The following POLK variants were observed in gnomAD, a reference collection of about 807,000 sequenced individuals.
POLK encodes the protein polymerase (DNA directed) kappa.
A neutral mutation model predicts 94.0 loss-of-function variants in POLK; 76 were observed. That is an observed-to-expected ratio of 0.81 (90% confidence interval 0.67 to 0.98). POLK has a LOEUF of 0.98. Ranked by LOEUF, POLK falls within the 50% of genes least tolerant of loss-of-function variation. The pLI is 0.00. For missense variants in POLK, 954 were observed against 1,010.1 expected (o/e 0.94, Z 0.75); for synonymous variants, 349 against 325.4 (o/e 1.07, Z -0.78).
Position 75,525,839 on chromosome 5 carries a change from T to C in POLK, c.-14+13925T>C, listed in dbSNP as rs183738839. Among the ~76,000 whole-genome samples the C allele has an allele frequency of 2.4e-4, 37 of 152,296 alleles. 1 individual carries two copies. The highest frequency in any genetic ancestry group is 1.7e-3 in the Admixed American group (26 of 15,308). Reference sequence around the variant, plus strand: ...AATAAAACTGGCATCTTAGGTGTAGTTGTGTATTTGGCATACTGATTAAGA... The same window carrying C: ...AATAAAACTGGCATCTTAGGTGTAGCTGTGTATTTGGCATACTGATTAAGA... On this transcript the variant is annotated intron_variant, in intron 1 of 14. Coordinates refer to ENST00000241436, the Ensembl canonical transcript of POLK.
At chr5:75,553,047 A>G (rs1770413006) in intron 3 of POLK, among the ~76,000 whole-genome samples, 1 of 152,204 alleles carries the variant, frequency 6.6e-6, no homozygotes, top group Non-Finnish European at 1.5e-5. Context: ...ATCATGTTAT[A>G]GTAAAATAAA....
chr5:75,587,148 A>G, intron 10 of POLK, 90 bp downstream of exon 10: 1 of 795,282 alleles, frequency 1.3e-6, no homozygotes, highest in Non-Finnish European at 2.0e-6. Context: ...TCACTGAAAT[A>G]AGAAATCTAT....
chr5:75,605,495 T>TC (rs1447918685), downstream of POLK, among the ~76,000 whole-genome samples: 1 of 152,192 alleles, frequency 6.6e-6, no homozygotes, highest in African/African-American at 2.4e-5. Context: ...AAAAGTTTTT[T>TC]CCCTCTCAGA....
intron 13 of POLK, 90 bp downstream of exon 13, chr5:75,597,268 C>A: frequency 1.4e-6 from 1 of 734,378 alleles, no homozygotes; most frequent in Non-Finnish European, 2.3e-6. Context: ...GAAACATATA[C>A]TATTAAATGG....
At chr5:75,521,558 A>G (rs1192764205) in intron 1 of POLK, among the ~76,000 whole-genome samples, 3 of 152,152 alleles carry the variant, frequency 2.0e-5, no homozygotes, top group African/African-American at 7.2e-5. Flanking sequence ...TCATGGTCCA[A>G]GAGCTCACAT....
intron 2 of POLK, among the ~76,000 whole-genome samples, 191 bp from the exon 3 acceptor site, chr5:75,552,281 T>C (rs1235684419): frequency 6.6e-6 from 1 of 152,206 alleles, no homozygotes; most frequent in African/African-American, 2.4e-5. Context: ...AATAAATTCA[T>C]CTTACAAATA....
intron 10 of POLK, among the ~76,000 whole-genome samples, chr5:75,587,263 G>C (rs924121909): frequency 1.3e-5 from 2 of 152,182 alleles, no homozygotes; most frequent in Admixed American, 1.3e-4. Flanking sequence ...ATTAACTTCA[G>C]CTATTTTTTA....
chr5:75,512,973 C>A (rs571830499), intron 1 of POLK: 1 of 152,334 alleles, frequency 6.6e-6, no homozygotes, highest in South Asian at 2.1e-4. Flanking sequence ...ACTAAAAATA[C>A]AAAGATTAGC....
intron 9 of POLK, among the ~76,000 whole-genome samples, chr5:75,585,296 C>T (rs555279223): frequency 1.1e-4 from 17 of 152,260 alleles, no homozygotes; most frequent in Admixed American, 3.9e-4. Flanking sequence ...AATGATTCTT[C>T]GAAAGCCTTA....
In POLK at chr5:75,554,916, A is replaced by G. The variant is rs5744624; in HGVS notation, c.255+2325A>G. 7.3e-3 allele frequency among the ~76,000 whole-genome samples: 1,106 copies of G among 152,290 alleles called. 12 individuals are homozygous for G. The highest frequency in any genetic ancestry group is 0.025 in the African/African-American group (1,023 of 41,546). On this transcript the variant is annotated intron_variant, in intron 3 of 14. Transcript: ENST00000241436. ...TATCCAGTCTATCATTGGTGAGCAT[A>G]TAGATTGATTCCATGTCTTTGCTGT...
chr5:75,602,053 C>T (rs894094762), downstream of POLK, among the ~76,000 whole-genome samples: 7 of 152,186 alleles, frequency 4.6e-5, no homozygotes, highest in Non-Finnish European at 8.8e-5. Context: ...AGTTCAGTCA[C>T]AAGCTTCCTG....
chr5:75,565,454 C>A (rs923590171), intron 3 of POLK, among the ~76,000 whole-genome samples: 4 of 152,148 alleles, frequency 2.6e-5, no homozygotes, highest in Admixed American at 2.6e-4. Context: ...TTTGGAGGAA[C>A]AGAGGTGTTC....
In POLK at chr5:75,597,809, T is replaced by C. The variant is rs780344813; in HGVS notation, c.2528+20T>C. The C allele has an allele frequency of 5.5e-6, 8 of 1,452,240 alleles. No individual in the cohort carries two copies. Among genetic ancestry groups the C allele is most frequent in the Middle Eastern group, 4.6e-4 (2 of 4,304 alleles). 90.0% of individuals were successfully genotyped at this position (1,452,240 alleles called of 1,614,324 possible). ...AAAAAGGTATGGCTAATTTGAGCTT[T>C]AATAAAGCTGGCTACAATATGAAAA... On this transcript the variant is annotated intron_variant, in intron 14 of 14. Transcript: ENST00000241436.
chr5:75,596,445 A>G (rs1348080227), exon 13 of POLK: 5 of 1,613,756 alleles, frequency 3.1e-6, no homozygotes, highest in African/African-American at 1.3e-5. Context: ...ATACATTTAA[A>G]TGTGAAGCCG....
At chr5:75,546,946 C>A in intron 1 of POLK, 64 bp from the exon 2 acceptor site, 1 of 793,392 alleles carries the variant, frequency 1.3e-6, no homozygotes, top group Non-Finnish European at 1.9e-6. Flanking sequence ...GGATTACGGG[C>A]ATGAGCCACC....
At chr5:75,552,288 A>T (rs1442794604) in intron 2 of POLK, among the ~76,000 whole-genome samples, 184 bp from the exon 3 acceptor site, 1 of 152,216 alleles carries the variant, frequency 6.6e-6, no homozygotes, top group Non-Finnish European at 1.5e-5. Context: ...TCATCTTACA[A>T]ATAAAGAAAC....
chr5:75,559,512 TGTTTTGTTTTG>T lies in POLK; in HGVS notation c.255+6922_255+6932del, dbSNP rs1561371274. ...TTTATTGATTTGGGGTTTGTTTTTT[TGTTTTGTTTTG>T]TTTTTTTTTTTTTTTTTTTTTTTTT... On this transcript the variant is annotated intron_variant, in intron 3 of 14. Transcript: ENST00000241436. 2.1e-3 allele frequency among the ~76,000 whole-genome samples: 296 copies of T among 141,412 alleles called. 1 individual carries two copies. Among genetic ancestry groups the T allele is most frequent in the South Asian group, 3.5e-3 (15 of 4,256 alleles). The allele number at this position is 141,412 out of a possible 152,430, so 92.8% of individuals were successfully genotyped here.
chr5:75,609,200 A>G, the POLK span: 2 of 152,262 alleles, frequency 1.3e-5, no homozygotes, highest in South Asian at 4.1e-4. Flanking sequence ...AGAATTTGAA[A>G]GCAGTTTCAA....
exon 15 of POLK, chr5:75,599,028 G>T (rs1024651297): frequency 6.6e-6 from 1 of 151,872 alleles, no homozygotes; most frequent in Admixed American, 6.6e-5. Context: ...ATCACTTGAG[G>T]TCAGGAGTTT....
Sources: gnomAD v4.1 joint callset for allele counts (sites outside exome capture counted in the v4.1 genomes callset) on GRCh38, gnomAD v4.1.1 for gene constraint, MANE v1.5 for transcripts, NCBI Gene and HGNC (gene_info 2026-07-23, HGNC 2026-07-21) for gene names.